MAP3K7: variants seen among roughly 807,000 people sequenced by gnomAD.
MAP3K7 encodes the protein TGF-beta activated kinase 1.
Under a neutral mutation model 84.8 loss-of-function variants are expected in MAP3K7, and 21 were observed. The ratio of observed to expected loss-of-function variants is 0.25; its 90% CI spans 0.18 to 0.36. The LOEUF (loss-of-function observed/expected upper bound fraction) is 0.36, where lower values mean the gene tolerates loss of function less well. MAP3K7 is among the 10% of genes least tolerant of loss of function. The pLI, the probability that MAP3K7 is intolerant of heterozygous loss-of-function variation, is 1.00. For missense variants in MAP3K7, 503 were observed against 747.7 expected (o/e 0.67, Z 3.82); for synonymous variants, 241 against 247.7 (o/e 0.97, Z 0.25).
chr6:90,575,001 T>C (rs1477325414), intron 1 of MAP3K7, among the ~76,000 whole-genome samples: 1 of 151,632 alleles, frequency 6.6e-6, no homozygotes, highest in African/African-American at 2.4e-5. Context: ...TAAAGAAAGG[T>C]GAAGATGTCC....
intron 14 of MAP3K7, among the ~76,000 whole-genome samples, chr6:90,521,229 C>T (rs1046008766): frequency 2.0e-4 from 30 of 150,972 alleles, no homozygotes; most frequent in Non-Finnish European, 3.2e-4. Context: ...GGTCACAGAT[C>T]GGAAGATTAT....
At chr6:90,584,718 T>G (rs566613150) in intron 1 of MAP3K7, among the ~76,000 whole-genome samples, 26 of 152,316 alleles carry the variant, frequency 1.7e-4, no homozygotes, top group Admixed American at 4.6e-4. Context: ...GAAGTAAGTT[T>G]GTGAAAGCAT....
chr6:90,539,155 C>T (rs892344368), intron 12 of MAP3K7, among the ~76,000 whole-genome samples: 9 of 151,822 alleles, frequency 5.9e-5, no homozygotes, highest in African/African-American at 2.2e-4. Context: ...GCCAAAGTTT[C>T]GTATTTCTTT....
chr6:90,518,947 T>C (rs1001335252), intron 15 of MAP3K7, among the ~76,000 whole-genome samples: 3 of 151,758 alleles, frequency 2.0e-5, no homozygotes, highest in Admixed American at 1.3e-4. Context: ...ATGTATTAAA[T>C]AGAAATAAGC....
chr6:90,527,866 C>CTTTTTTT (rs991440454), intron 13 of MAP3K7, among the ~76,000 whole-genome samples: 2 of 44,642 alleles, frequency 4.5e-5, no homozygotes, highest in Non-Finnish European at 8.2e-5. Context: ...TTCATAAGGA[C>CTTTTTTT]TTTTTTTTTT....
chr6:90,556,450 C>T (rs1194463312), intron 6 of MAP3K7, 50 bp downstream of exon 6: 14 of 1,573,588 alleles, frequency 8.9e-6, no homozygotes, highest in Non-Finnish European at 1.2e-5. Flanking sequence ...CATATGAATT[C>T]ACAAGGAGTG....
At chr6:90,552,227 G>A (rs760709250) in intron 7 of MAP3K7, 48 bp from the exon 8 acceptor site, 1 of 1,541,130 alleles carries the variant, frequency 6.5e-7, no homozygotes, top group South Asian at 1.2e-5. Context: ...TTTACCCAAA[G>A]AATGATGCAA....
chr6:90,563,588 A>G (rs1776596523), intron 3 of MAP3K7, among the ~76,000 whole-genome samples: 3 of 152,220 alleles, frequency 2.0e-5, no homozygotes, highest in African/African-American at 7.2e-5. Flanking sequence ...CCAAATCTAC[A>G]TCTCATTAGT....
chr6:90,547,142 C>T, intron 11 of MAP3K7, 116 bp downstream of exon 11: 2 of 1,107,078 alleles, frequency 1.8e-6, no homozygotes, highest in Non-Finnish European at 2.6e-6. Flanking sequence ...TGTAAACCTA[C>T]TTCCTATTTA....
At chr6:90,546,813 C>T (rs1223827272) in intron 11 of MAP3K7, among the ~76,000 whole-genome samples, 3 of 152,042 alleles carry the variant, frequency 2.0e-5, no homozygotes, top group Non-Finnish European at 2.9e-5. Flanking sequence ...AATGAAGAAG[C>T]AGATAGAAGG....
intron 14 of MAP3K7, among the ~76,000 whole-genome samples, chr6:90,519,799 A>G (rs1775088904): frequency 6.6e-6 from 1 of 151,948 alleles, no homozygotes; most frequent in Non-Finnish European, 1.5e-5. Flanking sequence ...ATCATTTTCA[A>G]TTTATATAGA....
At chr6:90,536,247 C>G (rs1775673103) in intron 13 of MAP3K7, 90 bp downstream of exon 13, 7 of 1,042,016 alleles carry the variant, frequency 6.7e-6, no homozygotes, top group Non-Finnish European at 1.0e-5. Flanking sequence ...TAGGTCAACT[C>G]ATAAAACTAA....
intron 3 of MAP3K7, among the ~76,000 whole-genome samples, chr6:90,563,365 A>G (rs1427888395): frequency 1.3e-5 from 2 of 152,230 alleles, no homozygotes; most frequent in African/African-American, 4.8e-5. Context: ...TAAACAGCAT[A>G]GAGAAGACCT....
At chr6:90,549,722 T>C (rs1275529204) in intron 9 of MAP3K7, among the ~76,000 whole-genome samples, 2 of 152,078 alleles carry the variant, frequency 1.3e-5, no homozygotes, top group African/African-American at 4.8e-5. Flanking sequence ...AGAAGTACAT[T>C]TTAGAATTCA....
intron 8 of MAP3K7, 172 bp from the exon 9 acceptor site, chr6:90,550,721 A>G: frequency 2.0e-6 from 1 of 492,070 alleles, no homozygotes; most frequent in Non-Finnish European, 3.6e-6. Context: ...AATGCCATGC[A>G]CCTACCTAAG....
intron 11 of MAP3K7, among the ~76,000 whole-genome samples, chr6:90,546,849 C>T (rs1306756636): frequency 6.6e-6 from 1 of 152,108 alleles, no homozygotes; most frequent in East Asian, 1.9e-4. Context: ...ATCTGGAATA[C>T]ATTTTTCTGT....
rs546472942 is a variant in MAP3K7, at chr6:90,539,811, G to A, written c.1292-3410C>T. Among the ~76,000 whole-genome samples the A allele has an allele frequency of 2.6e-5, 4 of 151,694 alleles. No homozygotes were observed. In the East Asian group the frequency reaches 5.8e-4, roughly 22 times the overall value. On this transcript the variant is annotated intron_variant, in intron 12 of 16. Coordinates refer to ENST00000369329, the MANE Select transcript of MAP3K7 (RefSeq NM_145331.3). Reference sequence around the variant, plus strand: ...CCAATACCTGACATTTGAAACTTCTGAAGGAGGGCAACAAGATACAAGTAT... The same window carrying A: ...CCAATACCTGACATTTGAAACTTCTAAAGGAGGGCAACAAGATACAAGTAT...
At chr6:90,582,657 A>G (rs1217154501) in intron 1 of MAP3K7, among the ~76,000 whole-genome samples, 2 of 152,084 alleles carry the variant, frequency 1.3e-5, no homozygotes, top group African/African-American at 4.8e-5. Flanking sequence ...GACTTTCCCA[A>G]CCCACGATGG....
chr6:90,578,554 C>T (rs775886815), intron 1 of MAP3K7, among the ~76,000 whole-genome samples: 6 of 152,058 alleles, frequency 3.9e-5, no homozygotes, highest in African/African-American at 4.8e-5. Flanking sequence ...GGATTACAGG[C>T]GTGAACCACT....
Sources: gnomAD v4.1 joint callset for allele counts (sites outside exome capture counted in the v4.1 genomes callset) on GRCh38, gnomAD v4.1.1 for gene constraint, MANE v1.5 for transcripts, NCBI Gene and HGNC (gene_info 2026-07-23, HGNC 2026-07-21) for gene names.